The following REPS1 variants were observed in gnomAD, a reference collection of about 807,000 sequenced individuals.
REPS1 encodes ralBP1-associated Eps domain-containing protein 1.
A neutral mutation model predicts 100.9 loss-of-function variants in REPS1; 39 were observed. The observed-to-expected ratio is 0.39, with a 90% CI of 0.30 to 0.50. The LOEUF is 0.50. Ranked by LOEUF, REPS1 falls within the 20% of genes least tolerant of loss-of-function variation. The pLI, the probability that REPS1 is intolerant of heterozygous loss-of-function variation, is 0.86. For synonymous variants in REPS1, 324 were observed against 340.3 expected (o/e 0.95, Z 0.53); for missense variants, 821 against 968.5 (o/e 0.85, Z 2.02).
At chr6:138,936,980 AAAAG>A (rs1781889844) in intron 8 of REPS1, among the ~76,000 whole-genome samples, 1 of 152,228 alleles carries the variant, frequency 6.6e-6, no homozygotes, top group South Asian at 2.1e-4. Flanking sequence ...GGCAATTTAC[AAAAG>A]AAAGAGGTTT....
In REPS1 at chr6:138,945,304, G is replaced by A. The variant is rs1300605140; in HGVS notation, c.543C>T (p.His181=). 2.5e-6 allele frequency: 4 copies of A among 1,612,372 alleles called. No homozygotes were observed. Among genetic ancestry groups the A allele is most frequent in the East Asian group, 2.2e-5 (1 of 44,822 alleles). Residue 181 remains histidine (H), a synonymous_variant, in exon 4 of 20, where the codon CAC becomes CAT. Transcript: ENST00000450536. ...TATTCCCACCGCTGGGATGACGGCT[G>A]TGCTTCCTCCATGTGTGTGGAGAAG... ...PPTSPHTWRK[H]SRHPSGGNSE... is the part of the protein sequence containing the mutation.
At chr6:138,968,221 T>A (rs1026465235) in intron 1 of REPS1, among the ~76,000 whole-genome samples, 7 of 152,208 alleles carry the variant, frequency 4.6e-5, no homozygotes, top group Non-Finnish European at 1.0e-4. Flanking sequence ...TGGTAACTCC[T>A]AAGAATTAAA....
intron 11 of REPS1, among the ~76,000 whole-genome samples, 183 bp downstream of exon 11, chr6:138,920,854 C>T (rs879470489): frequency 3.3e-5 from 5 of 152,078 alleles, no homozygotes; most frequent in South Asian, 2.1e-4. Flanking sequence ...TTTAAAACTC[C>T]GTAATTTAAA....
intron 8 of REPS1, among the ~76,000 whole-genome samples, chr6:138,935,228 A>T (rs1781730540): frequency 6.6e-6 from 1 of 152,226 alleles, no homozygotes; most frequent in South Asian, 2.1e-4. Flanking sequence ...GGTTTAAAAA[A>T]ATCAAAGTAA....
chr6:138,940,530 A>C (rs1782168994), intron 8 of REPS1, among the ~76,000 whole-genome samples: 1 of 152,030 alleles, frequency 6.6e-6, no homozygotes, highest in Non-Finnish European at 1.5e-5. Context: ...GCAGATCATG[A>C]GGTCAAGAGA....
At chr6:138,908,960 G>T in intron 17 of REPS1, 144 bp from the exon 18 acceptor site, 1 of 701,464 alleles carries the variant, frequency 1.4e-6, no homozygotes, top group Non-Finnish European at 2.3e-6. Context: ...TATATTTGTG[G>T]CAAGAGCTAA....
At chr6:138,922,319 T>G (rs1271855299) in intron 10 of REPS1, among the ~76,000 whole-genome samples, 1 of 152,176 alleles carries the variant, frequency 6.6e-6, no homozygotes, top group Non-Finnish European at 1.5e-5. Flanking sequence ...AGCATGAAAC[T>G]GCCACAAAGG....
At chr6:138,926,570 T>C (rs1781139170) in intron 9 of REPS1, 89 bp from the exon 10 acceptor site, 1 of 846,132 alleles carries the variant, frequency 1.2e-6, no homozygotes, top group East Asian at 2.6e-5. Context: ...AATTCAGAGG[T>C]TGCACTGCAA....
Position 138,912,897 on chromosome 6 carries a change from G to A in REPS1, c.1839C>T (p.His613=), listed in dbSNP as rs137880895. ...GTATCTGCTGAGGTGAGGTACTAGT[G>A]TGAGTTATGAGGCCATCGGCATCCA... ...RPVDADGLIT[H]TSTSPQQIPE... The change falls in exon 16 of 20, where the codon CAC becomes CAT. Residue 613 remains histidine, a synonymous_variant. Coordinates refer to ENST00000450536, the MANE Select transcript of REPS1 (RefSeq NM_001286611.2). 5.9e-5 allele frequency: 95 copies of A among 1,614,016 alleles called. No homozygotes were observed. The African/African-American group carries it at 1.0e-3, about 17-fold the overall frequency.
chr6:138,922,704 A>G (rs1428899437), intron 10 of REPS1, among the ~76,000 whole-genome samples: 1 of 152,222 alleles, frequency 6.6e-6, no homozygotes, highest in Admixed American at 6.5e-5. Flanking sequence ...ATGAGGGGTC[A>G]GTTCACACTC....
intron 10 of REPS1, among the ~76,000 whole-genome samples, chr6:138,925,300 G>A (rs920994269): frequency 2.0e-5 from 3 of 152,182 alleles, no homozygotes; most frequent in Non-Finnish European, 4.4e-5. Context: ...CCAGGAGGCA[G>A]AGGTTGCAGT....
chr6:138,937,804 G>T (rs539113774), intron 8 of REPS1, among the ~76,000 whole-genome samples: 4 of 152,138 alleles, frequency 2.6e-5, no homozygotes, highest in Non-Finnish European at 5.9e-5. Flanking sequence ...TACTCAATTT[G>T]CACCTTGCTA....
At chr6:138,925,109 GC>G (rs1781014033) in intron 10 of REPS1, among the ~76,000 whole-genome samples, 1 of 152,040 alleles carries the variant, frequency 6.6e-6, no homozygotes, top group Non-Finnish European at 1.5e-5. Context: ...ACTTTGGGAG[GC>G]CGAGGTGGGT....
chr6:138,975,007 A>T (rs1228494568), intron 1 of REPS1, among the ~76,000 whole-genome samples: 1 of 151,866 alleles, frequency 6.6e-6, no homozygotes, highest in Admixed American at 6.6e-5. Flanking sequence ...AAAAAAAAAA[A>T]GTTAGGCTTG....
intron 6 of REPS1, 124 bp downstream of exon 6, chr6:138,943,729 T>C (rs1342402995): frequency 1.9e-6 from 2 of 1,062,820 alleles, no homozygotes; most frequent in Non-Finnish European, 2.6e-6. Context: ...AAATTCTTTT[T>C]AGACAAATAA....
intron 1 of REPS1, among the ~76,000 whole-genome samples, chr6:138,975,907 G>A (rs1304266212): frequency 1.3e-5 from 2 of 152,146 alleles, no homozygotes; most frequent in Non-Finnish European, 2.9e-5. Context: ...CTCAAGAGAG[G>A]TTAAGTACTT....
chr6:138,965,108 T>G (rs1783942712), intron 1 of REPS1, among the ~76,000 whole-genome samples: 1 of 152,112 alleles, frequency 6.6e-6, no homozygotes, highest in Non-Finnish European at 1.5e-5. Flanking sequence ...AAATATAAAC[T>G]CCCACTGTCA....
intron 17 of REPS1, among the ~76,000 whole-genome samples, chr6:138,910,317 T>G (rs1779922045): frequency 6.6e-6 from 1 of 152,194 alleles, no homozygotes. Flanking sequence ...GCTGGTACCA[T>G]GCTTTCTGTA....
intron 18 of REPS1, 25 bp downstream of exon 18, chr6:138,908,643 T>A: frequency 6.2e-7 from 1 of 1,611,010 alleles, no homozygotes; most frequent in African/African-American, 1.3e-5. Context: ...AGTAATTAAA[T>A]GTGTCTAGGA....
Sources: gnomAD v4.1 joint callset for allele counts (sites outside exome capture counted in the v4.1 genomes callset) on GRCh38, gnomAD v4.1.1 for gene constraint, MANE v1.5 for transcripts, NCBI Gene and HGNC (gene_info 2026-07-23, HGNC 2026-07-21) for gene names.